Variants in UTRN observed in about 807,000 individuals in gnomAD.
UTRN encodes utrophin, also known as dystrophin-related protein 1.
Under a neutral mutation model 463.9 loss-of-function variants are expected in UTRN, and 283 were observed. The observed-to-expected ratio is 0.61, with a 90% CI of 0.55 to 0.67. The LOEUF (loss-of-function observed/expected upper bound fraction) is 0.67, where lower values mean the gene tolerates loss of function less well. Ranked by LOEUF, UTRN falls within the 30% of genes least tolerant of loss-of-function variation. The probability of loss-of-function intolerance (pLI) is 0.00; values close to 1 mark genes in which losing one functional copy is unlikely to be tolerated. For missense variants in UTRN, 3,922 were observed against 4,084.3 expected (o/e 0.96, Z 1.08); for synonymous variants, 1,442 against 1,431.5 (o/e 1.01, Z -0.17).
At position 144,704,835 on chromosome 6, in the gene UTRN, G is replaced by A. The variant is rs140670638; in HGVS notation, c.7809+4592G>A. The stretch of plus-strand genomic sequence containing the variant: ...AAATTAGCTGGGTGTGGTGACGTGC[G>A]CCTGTAGTCCCAGCTATTTGGGAGG... On this transcript the variant is annotated intron_variant, in intron 53 of 74. Coordinates refer to ENST00000367545, the MANE Select transcript of UTRN (RefSeq NM_007124.3). Among the ~76,000 whole-genome samples the A allele has an allele frequency of 5.7e-4, 86 of 152,054 alleles. No individual in the cohort carries two copies. In the East Asian group the frequency reaches 0.013, roughly 23 times the overall value.
Position 144,426,376 on chromosome 6 carries a change from G to T in UTRN, c.495G>T (p.Arg165Ser). ...TCAGCTGGGTGCGTCAGACCACCAG[G>T]CCCTACAGCCAAGTCAACGTCCTCA... ...ILLSWVRQTT[R>S]PYSQVNVLNF... is the part of the protein sequence containing the mutation. Residue 165 changes from arginine to serine, a missense_variant, in exon 7 of 75, where the codon AGG (arginine) becomes AGT (serine). Coordinates refer to ENST00000367545, the MANE Select transcript of UTRN (RefSeq NM_007124.3). 6.2e-7 allele frequency: 1 copy of T among 1,614,106 alleles called. No individual in the cohort carries two copies. Among genetic ancestry groups the T allele is most frequent in the Non-Finnish European group, 8.5e-7 (1 of 1,180,004 alleles).
chr6:144,724,009 C>CCAAA (rs1787528597), intron 53 of UTRN, among the ~76,000 whole-genome samples: 1 of 58,774 alleles, frequency 1.7e-5, no homozygotes, highest in Non-Finnish European at 3.7e-5. Context: ...GACTCCATCT[C>CCAAA]AAAAAAAAAA....
chr6:144,516,223 C>G lies in UTRN; in HGVS notation c.5245-6C>G, dbSNP rs772665960. 6.2e-7 allele frequency: 1 copy of G among 1,610,142 alleles called. No individual in the cohort carries two copies. The highest frequency in any genetic ancestry group is 8.5e-7 in the Non-Finnish European group (1 of 1,179,056). ...CTATTTTCAGAGAATTCTTTTCCTT[C>G]TACAGTTGCTAATTGCTCAGGAACC... On this transcript the variant is annotated splice_region_variant and splice_polypyrimidine_tract_variant and intron_variant, in intron 37 of 74. Transcript: ENST00000367545.
At chr6:144,771,623 A>C (rs146632241) in intron 58 of UTRN, among the ~76,000 whole-genome samples, 1 of 151,794 alleles carries the variant, frequency 6.6e-6, no homozygotes. Context: ...ATGGGATTTC[A>C]TCATATTGGC....
chr6:144,398,420 A>C, intron 2 of UTRN: 1 of 379,680 alleles, frequency 2.6e-6, no homozygotes, highest in Non-Finnish European at 5.3e-6. Context: ...ATTAATGCAC[A>C]CTCAAGGGCC....
chr6:144,696,007 G>GTT (rs1431190982), intron 52 of UTRN, among the ~76,000 whole-genome samples: 4 of 152,130 alleles, frequency 2.6e-5, no homozygotes, highest in African/African-American at 9.7e-5. Context: ...TGAAAACAGA[G>GTT]TTCAAAGATA....
intron 41 of UTRN, among the ~76,000 whole-genome samples, chr6:144,527,467 T>C (rs142353566): frequency 1.7e-4 from 26 of 152,378 alleles, no homozygotes; most frequent in Admixed American, 6.5e-4. Flanking sequence ...CTGATGACCA[T>C]GTGCCTAGGC....
At chr6:144,435,569 T>C (rs928778342) in intron 9 of UTRN, among the ~76,000 whole-genome samples, 31 of 152,218 alleles carry the variant, frequency 2.0e-4, no homozygotes, top group African/African-American at 6.8e-4. Context: ...TACGAAACTT[T>C]CCTGTTTTAG....
At chr6:144,560,598 C>A (rs983075473) in intron 50 of UTRN, among the ~76,000 whole-genome samples, 1 of 152,096 alleles carries the variant, frequency 6.6e-6, no homozygotes, top group African/African-American at 2.4e-5. Context: ...GAATACTGTG[C>A]AGCATAATGT....
intron 51 of UTRN, among the ~76,000 whole-genome samples, chr6:144,584,363 A>G (rs1162097045): frequency 1.3e-5 from 2 of 152,178 alleles, no homozygotes; most frequent in African/African-American, 4.8e-5. Context: ...GTGTTTTGAT[A>G]TAAAAGGAGA....
intron 51 of UTRN, among the ~76,000 whole-genome samples, chr6:144,636,995 A>T (rs1005013523): frequency 4.6e-5 from 7 of 152,150 alleles, no homozygotes; most frequent in African/African-American, 1.4e-4. Flanking sequence ...TTTGAGACGG[A>T]GTCTTCATTG....
chr6:144,473,196 A>G (rs1483498406), intron 23 of UTRN, among the ~76,000 whole-genome samples: 1 of 152,168 alleles, frequency 6.6e-6, no homozygotes, highest in Non-Finnish European at 1.5e-5. Flanking sequence ...GATTTTATAT[A>G]TATAGTAGGT....
chr6:144,564,283 A>C (rs1800197185), intron 50 of UTRN, among the ~76,000 whole-genome samples: 1 of 152,194 alleles, frequency 6.6e-6, no homozygotes, highest in Admixed American at 6.6e-5. Context: ...AGAAAGCATA[A>C]CTTGGTGGCA....
chr6:144,422,038 G>A (rs1784877015), intron 4 of UTRN, 68 bp downstream of exon 4: 5 of 1,335,582 alleles, frequency 3.7e-6, no homozygotes, highest in South Asian at 2.7e-5. Flanking sequence ...CCCAGTGTGG[G>A]TACCCATTAA....
intron 59 of UTRN, among the ~76,000 whole-genome samples, chr6:144,772,927 A>G (rs1202208195): frequency 2.0e-5 from 3 of 151,708 alleles, no homozygotes; most frequent in Non-Finnish European, 4.4e-5. Flanking sequence ...CATTTCAATA[A>G]AAAGGATGCC....
rs540165074 is a variant in UTRN, at chr6:144,454,789, T to G, written c.2284+920T>G. ...TTTACTCGTTCCTCAGCCTCTCAAT[T>G]ATTACTATTTTTACAGTTTTCTTGG... On this transcript the variant is annotated intron_variant, in intron 19 of 74. Transcript: ENST00000367545. Among the ~76,000 whole-genome samples the G allele has an allele frequency of 5.3e-5, 8 of 152,314 alleles. 1 individual carries two copies. The South Asian group carries it at 1.7e-3, about 32-fold the overall frequency.
intron 55 of UTRN, among the ~76,000 whole-genome samples, chr6:144,750,884 A>G (rs750270681): frequency 6.6e-6 from 1 of 152,142 alleles, no homozygotes; most frequent in African/African-American, 2.4e-5. Context: ...TACAATTTCT[A>G]AGTGCTCTTA....
At chr6:144,828,576 C>T (rs546406875) in intron 68 of UTRN, among the ~76,000 whole-genome samples, 3 of 152,258 alleles carry the variant, frequency 2.0e-5, no homozygotes, top group African/African-American at 7.2e-5. Flanking sequence ...GACTTTACAA[C>T]ATGGCGTAAG....
At chr6:144,780,540 AAG>A (rs1397446366) in intron 60 of UTRN, among the ~76,000 whole-genome samples, 2 of 152,212 alleles carry the variant, frequency 1.3e-5, no homozygotes, top group Non-Finnish European at 2.9e-5. Flanking sequence ...TTAGATTTAG[AAG>A]AGTCATCTCC....
Sources: allele counts gnomAD v4.1 joint callset (sites outside exome capture counted in the v4.1 genomes callset), GRCh38; gene constraint gnomAD v4.1.1; transcripts MANE v1.5; gene names NCBI Gene and HGNC (gene_info 2026-07-23, HGNC 2026-07-21).